The following ABCB11 variants were observed in gnomAD, a reference collection of about 807,000 sequenced individuals.
The protein encoded by ABCB11 is ATP binding cassette subfamily B member 11.
In ABCB11, 95 loss-of-function variants were observed where a neutral mutation model predicts 148.0. The ratio of observed to expected loss-of-function variants is 0.64; its 90% CI spans 0.54 to 0.76. The LOEUF (loss-of-function observed/expected upper bound fraction) is 0.76, where lower values mean the gene tolerates loss of function less well. ABCB11 is among the 30% of genes least tolerant of loss of function. The pLI is 0.00. For synonymous variants in ABCB11, 591 were observed against 555.4 expected (o/e 1.06, Z -0.90); for missense variants, 1,523 against 1,617.8 (o/e 0.94, Z 1.01).
chr2:169,013,142 A>G, intron 5 of ABCB11, 130 bp downstream of exon 5: 1 of 654,690 alleles, frequency 1.5e-6, no homozygotes. Flanking sequence ...AATATGGGTA[A>G]ACTCATGTTT....
intron 19 of ABCB11, among the ~76,000 whole-genome samples, chr2:168,945,310 C>T (rs1692254855): frequency 1.3e-5 from 2 of 151,824 alleles, no homozygotes; most frequent in African/African-American, 4.8e-5. Flanking sequence ...AATAATGGTT[C>T]CACTTTAAAC....
At chr2:168,974,567 G>T (rs764426402) in intron 12 of ABCB11, among the ~76,000 whole-genome samples, 2 of 151,870 alleles carry the variant, frequency 1.3e-5, no homozygotes, top group Non-Finnish European at 2.9e-5. Flanking sequence ...TCACTTACTG[G>T]CCTGTATTGG....
chr2:168,935,497 C>A, intron 22 of ABCB11, 72 bp from the exon 23 acceptor site: 1 of 1,537,416 alleles, frequency 6.5e-7, no homozygotes, highest in Admixed American at 1.9e-5. Context: ...CAGTGGCTGC[C>A]TGGATTAGAT....
intron 18 of ABCB11, among the ~76,000 whole-genome samples, chr2:168,961,851 GACCTTTAGC>G (rs1693091362): frequency 6.6e-6 from 1 of 151,640 alleles, no homozygotes; most frequent in African/African-American, 2.4e-5. Context: ...TGTGTGAATC[GACCTTTAGC>G]ACCGTAAGAG....
chr2:168,999,853 C>T (rs1694819686), intron 5 of ABCB11, among the ~76,000 whole-genome samples: 2 of 152,026 alleles, frequency 1.3e-5, no homozygotes, highest in African/African-American at 2.4e-5. Context: ...AGTAGAAATG[C>T]TGAGTCATAT....
At chr2:169,009,809 A>T (rs1375042385) in intron 5 of ABCB11, among the ~76,000 whole-genome samples, 1 of 152,198 alleles carries the variant, frequency 6.6e-6, no homozygotes, top group Non-Finnish European at 1.5e-5. Context: ...ACTAAAAAAC[A>T]TCTAATTGTA....
At chr2:168,993,684 T>C (rs1694618363) in intron 8 of ABCB11, 27 bp downstream of exon 8, 3 of 1,597,946 alleles carry the variant, frequency 1.9e-6, no homozygotes, top group Admixed American at 1.7e-5. Context: ...TGTCTTCCCA[T>C]GGAGAGATGC....
intron 5 of ABCB11, among the ~76,000 whole-genome samples, chr2:169,001,767 T>C (rs1357129344): frequency 6.6e-6 from 1 of 152,216 alleles, no homozygotes; most frequent in Non-Finnish European, 1.5e-5. Context: ...CTTTTTGGTC[T>C]GCACTCATTG....
At chr2:168,925,675 C>T (rs1159065067) in intron 26 of ABCB11, among the ~76,000 whole-genome samples, 1 of 152,188 alleles carries the variant, frequency 6.6e-6, no homozygotes, top group Admixed American at 6.5e-5. Flanking sequence ...CCTTGCCTTC[C>T]ACAACACGAG....
Position 168,923,495 on chromosome 2 carries a change from TA to T in ABCB11, c.*126del. ...CGATGTAGGAAAATGACTGTAAAAG[TA>T]AAATATTAACATTCTTCTTTAAAGA... On this transcript the variant is annotated 3_prime_UTR_variant, in exon 28 of 28. Transcript: ENST00000650372. 2 of 841,966 alleles carry T rather than the reference TA, an allele frequency of 2.4e-6. No individual in the cohort carries two copies. The highest frequency in any genetic ancestry group is 3.7e-6 in the Non-Finnish European group (2 of 540,072). 52.2% of individuals were successfully genotyped at this position (841,966 alleles called of 1,614,324 possible). A position where few individuals can be genotyped will look rare whatever the true frequency, so the allele number is the denominator to read the frequency against.
chr2:169,006,452 C>G (rs1314715675), intron 5 of ABCB11, among the ~76,000 whole-genome samples: 7 of 152,056 alleles, frequency 4.6e-5, no homozygotes, highest in Admixed American at 4.6e-4. Context: ...TGGTGAAAGA[C>G]TAAATGCTTT....
At chr2:168,991,501 C>T (rs1573949459) in intron 8 of ABCB11, among the ~76,000 whole-genome samples, 1 of 151,952 alleles carries the variant, frequency 6.6e-6, no homozygotes. Context: ...ATTACTTTTT[C>T]TAAAACTGAC....
At chr2:169,020,828 C>G (rs540954142) in intron 1 of ABCB11, among the ~76,000 whole-genome samples, 18 of 152,012 alleles carry the variant, frequency 1.2e-4, no homozygotes, top group Non-Finnish European at 2.4e-4. Context: ...GATGGTCGCA[C>G]AACTCTGTTA....
At chr2:168,977,275 T>C (rs1462992581) in intron 11 of ABCB11, among the ~76,000 whole-genome samples, 8 of 152,050 alleles carry the variant, frequency 5.3e-5, no homozygotes, top group Admixed American at 5.2e-4. Context: ...ATATGCCCAT[T>C]TTCAGTTGAA....
chr2:168,961,191 A>G (rs1301611402), intron 18 of ABCB11, among the ~76,000 whole-genome samples: 1 of 151,798 alleles, frequency 6.6e-6, no homozygotes. Flanking sequence ...ATGCATTCAT[A>G]GTTCAATGCT....
At chr2:168,951,445 G>A (rs914065269) in intron 19 of ABCB11, among the ~76,000 whole-genome samples, 4 of 151,252 alleles carry the variant, frequency 2.6e-5, no homozygotes, top group African/African-American at 9.7e-5. Context: ...GTGTTTTGTG[G>A]TCCTCCTTAG....
chr2:168,968,394 A>G, intron 17 of ABCB11, 33 bp downstream of exon 17: 1 of 1,597,734 alleles, frequency 6.3e-7, no homozygotes, highest in Non-Finnish European at 8.5e-7. Context: ...AATATTTGGA[A>G]AGCTTGTAAT....
chr2:168,964,771 A>C (rs1021017648), intron 17 of ABCB11, among the ~76,000 whole-genome samples: 1 of 151,844 alleles, frequency 6.6e-6, no homozygotes, highest in Non-Finnish European at 1.5e-5. Context: ...ATGAGGAAAT[A>C]GGGCCTCTGA....
rs1417117855 is a variant in ABCB11 at position 168,923,265 on chromosome 2, T to C, written c.*357A>G. On this transcript the variant is annotated 3_prime_UTR_variant, in exon 28 of 28. Coordinates refer to ENST00000650372, the MANE Select transcript of ABCB11 (RefSeq NM_003742.4). Reference sequence around the variant, plus strand: ...AAGACAGTTCTCTGCCCTTGAGGAGTTCAAAGTGTCACTTACTCCCTGATG... The same window carrying C: ...AAGACAGTTCTCTGCCCTTGAGGAGCTCAAAGTGTCACTTACTCCCTGATG... The C allele has an allele frequency of 1.3e-5, 4 of 307,732 alleles. No homozygotes were observed. Among genetic ancestry groups the C allele is most frequent in the East Asian group, 1.3e-4 (2 of 14,832 alleles). 19.1% of individuals were successfully genotyped at this position (307,732 alleles called of 1,614,324 possible).
Sources: allele counts gnomAD v4.1 joint callset (sites outside exome capture counted in the v4.1 genomes callset), GRCh38; gene constraint gnomAD v4.1.1; transcripts MANE v1.5; gene names NCBI Gene and HGNC (gene_info 2026-07-23, HGNC 2026-07-21).